The following DPH6 variants were observed in gnomAD, a reference collection of about 807,000 sequenced individuals.
DPH6 encodes diphthamine biosynthesis 6, also known as diphthine--ammonia ligase.
In DPH6, 33 loss-of-function variants were observed where a neutral mutation model predicts 38.2. The ratio of observed to expected loss-of-function variants is 0.86; its 90% CI spans 0.65 to 1.15. The LOEUF (loss-of-function observed/expected upper bound fraction) is 1.15. Among genes scored for constraint, DPH6 ranks in the 50% most tolerant of loss-of-function variants. DPH6 has a pLI of 0.00. For missense variants in DPH6, 325 were observed against 320.0 expected, an observed-to-expected ratio of 1.02 and a Z score of -0.12; for synonymous variants, 108 against 103.0, an observed-to-expected ratio of 1.05 and a Z score of -0.30.
At position 35,487,368 on chromosome 15, in the gene DPH6, C is replaced by G. The variant is rs540631202; in HGVS notation, c.313-32548G>C. On this transcript the variant is annotated intron_variant, in intron 3 of 8. Transcript: ENST00000256538. ...CTGCAGCAGACTTCTGCCTGGACAT[C>G]GAGGCATTTCCATACATCCTTTGAA... Among the ~76,000 whole-genome samples, 26 of 152,370 alleles carry G rather than the reference C, an allele frequency of 1.7e-4. 2 individuals carry two copies. In the South Asian group the frequency reaches 5.0e-3, roughly 29 times the overall value.
At chr15:35,481,068 G>A (rs1291220338) in intron 3 of DPH6, among the ~76,000 whole-genome samples, 1 of 152,038 alleles carries the variant, frequency 6.6e-6, no homozygotes, top group African/African-American at 2.4e-5. Context: ...TGCTCTATCT[G>A]TGTTATGTAA....
At chr15:35,292,763 CT>C (rs1242833221) in intron 3 of DPH6, among the ~76,000 whole-genome samples, 4 of 151,892 alleles carry the variant, frequency 2.6e-5, no homozygotes, top group African/African-American at 7.3e-5. Flanking sequence ...AGAAAATGTA[CT>C]TTTTTTTAAA....
chr15:35,512,122 T>C (rs1377761844), intron 3 of DPH6, among the ~76,000 whole-genome samples: 2 of 152,174 alleles, frequency 1.3e-5, no homozygotes, highest in African/African-American at 4.8e-5. Flanking sequence ...AAACCTGCAG[T>C]AATAATTTTC....
intron 3 of DPH6, among the ~76,000 whole-genome samples, chr15:35,295,769 T>C (rs917699983): frequency 5.3e-5 from 8 of 152,184 alleles, no homozygotes; most frequent in Non-Finnish European, 1.2e-4. Context: ...TTTTTTTCCT[T>C]TTAAGTAACA....
chr15:35,270,730 C>T (rs2051817482), intron 3 of DPH6, among the ~76,000 whole-genome samples: 1 of 152,142 alleles, frequency 6.6e-6, no homozygotes, highest in African/African-American at 2.4e-5. Context: ...ATGACAACTT[C>T]CTAGAAGGAT....
At chr15:35,374,260 A>G (rs552102269) in intron 7 of DPH6, among the ~76,000 whole-genome samples, 5 of 152,110 alleles carry the variant, frequency 3.3e-5, no homozygotes, top group Non-Finnish European at 5.9e-5. Context: ...TCTAATAATG[A>G]ATTATTTTTT....
intron 3 of DPH6, among the ~76,000 whole-genome samples, chr15:35,302,917 G>C (rs1314672896): frequency 5.3e-5 from 8 of 151,906 alleles, no homozygotes. Context: ...AGATTTGTAA[G>C]CTATATACTT....
intron 3 of DPH6, among the ~76,000 whole-genome samples, chr15:35,312,929 A>C (rs1595473210): frequency 6.6e-6 from 1 of 152,172 alleles, no homozygotes; most frequent in Admixed American, 6.5e-5. Flanking sequence ...ACAGCTTCGT[A>C]GTAAATTTTG....
intron 3 of DPH6, among the ~76,000 whole-genome samples, chr15:35,461,074 TATTTATTTATTC>T (rs964199827): frequency 2.0e-5 from 3 of 152,106 alleles, no homozygotes; most frequent in Admixed American, 1.3e-4. Context: ...TCAGAATACT[TATTTATTTATTC>T]ATTTATTTAT....
intron 5 of DPH6, among the ~76,000 whole-genome samples, chr15:35,431,335 G>A (rs1390829295): frequency 6.6e-6 from 1 of 152,126 alleles, no homozygotes; most frequent in African/African-American, 2.4e-5. Context: ...TTTAGGATAA[G>A]TAGTAAAACA....
intron 5 of DPH6, among the ~76,000 whole-genome samples, chr15:35,422,512 A>C (rs2053518633): frequency 6.6e-6 from 1 of 151,952 alleles, no homozygotes; most frequent in Non-Finnish European, 1.5e-5. Context: ...TAAAATATTC[A>C]CCACAATCAA....
intron 3 of DPH6, among the ~76,000 whole-genome samples, chr15:35,323,129 T>C (rs1034466418): frequency 3.3e-5 from 5 of 152,190 alleles, no homozygotes; most frequent in African/African-American, 1.2e-4. Context: ...TCTCAAATCT[T>C]ATATAGTGGA....
the DPH6 span, among the ~76,000 whole-genome samples, chr15:35,200,796 T>G: frequency 6.6e-6 from 1 of 151,826 alleles, no homozygotes; most frequent in South Asian, 2.1e-4. Flanking sequence ...AGTCTGAAAT[T>G]GTTTTATGTA....
the DPH6 span, among the ~76,000 whole-genome samples, chr15:35,171,265 T>C: frequency 6.6e-6 from 1 of 152,228 alleles, no homozygotes; most frequent in Non-Finnish European, 1.5e-5. Context: ...CTGGGAAGAC[T>C]AGGAATTACC....
At chr15:35,236,963 A>G (rs1431105754) in intron 3 of DPH6, among the ~76,000 whole-genome samples, 1 of 152,178 alleles carries the variant, frequency 6.6e-6, no homozygotes, top group Non-Finnish European at 1.5e-5. Flanking sequence ...CCTAGTTGAT[A>G]AAGTCGATAG....
chr15:35,531,984 C>A (rs2055094660), intron 3 of DPH6, among the ~76,000 whole-genome samples: 1 of 152,090 alleles, frequency 6.6e-6, no homozygotes, highest in Non-Finnish European at 1.5e-5. Context: ...TATAGACAAG[C>A]TGCCATGGAA....
In DPH6 at chr15:35,322,501, TTC is replaced by T. The variant is rs2052249343; in HGVS notation, n.200+51018_200+51019del. Among the ~76,000 whole-genome samples, 13 of 152,346 alleles carry T rather than the reference TTC, an allele frequency of 8.5e-5. 2 individuals are homozygous for T. Among genetic ancestry groups the T allele is most frequent in the Admixed American group, 2.0e-4 (3 of 15,300 alleles). ...ACTATCATAATTTTGCAAAGGCAGT[TTC>T]ACGACCATTTTCTAATAATTTTTGG... On this transcript the variant is annotated intron_variant and non_coding_transcript_variant, in intron 3 of 3. Transcript: ENST00000560386.
At chr15:35,299,040 C>T (rs924902611) in intron 3 of DPH6, 4 of 714,282 alleles carry the variant, frequency 5.6e-6, no homozygotes, top group African/African-American at 3.6e-5. Context: ...GTATTTATGC[C>T]TTTCTTCTCT....
chr15:35,428,661 G>C (rs2053597542), intron 5 of DPH6, among the ~76,000 whole-genome samples: 1 of 152,076 alleles, frequency 6.6e-6, no homozygotes, highest in Admixed American at 6.6e-5. Context: ...CTTGCTCTTT[G>C]AATTGTCCTC....
Sources: allele counts gnomAD v4.1 joint callset (sites outside exome capture counted in the v4.1 genomes callset), GRCh38; gene constraint gnomAD v4.1.1; transcripts MANE v1.5; gene names NCBI Gene and HGNC (gene_info 2026-07-23, HGNC 2026-07-21).